Variants in STK10 observed in about 807,000 individuals in gnomAD.
STK10 encodes the protein serine/threonine-protein kinase 10.
Under a neutral mutation model 113.8 loss-of-function variants are expected in STK10, and 78 were observed. That is an observed-to-expected ratio of 0.69 (90% CI 0.57 to 0.83). STK10 has a LOEUF of 0.83. Among genes scored for constraint, STK10 ranks in the 40% least tolerant of loss-of-function variants. The pLI, the probability that STK10 is intolerant of heterozygous loss-of-function variation, is 0.00. For synonymous variants in STK10, 465 were observed against 494.7 expected (o/e 0.94, Z 0.80); for missense variants, 1,109 against 1,280.1 (o/e 0.87, Z 2.04).
rs1335658922 is a variant in STK10 at position 172,185,166 on chromosome 5, T to C, written c.156+2721A>G. On this transcript the variant is annotated intron_variant, in intron 1 of 18. Coordinates refer to ENST00000176763, the MANE Select transcript of STK10 (RefSeq NM_005990.4). ...GAAAGCAAAGTTCTGCGTTTAAGTT[T>C]AAAGGAAGATGAACCCTGTGAAGCC... Among the ~76,000 whole-genome samples the C allele has an allele frequency of 2.0e-5, 3 of 151,846 alleles. No homozygotes were observed. The East Asian group carries it at 5.8e-4, about 29-fold the overall frequency.
intron 10 of STK10, among the ~76,000 whole-genome samples, chr5:172,087,623 ATTTTTTTTTTTT>A (rs1203616701): frequency 1.2e-5 from 1 of 85,188 alleles, no homozygotes; most frequent in Non-Finnish European, 2.4e-5. Context: ...TTACTTATTT[ATTTTTTTTTTTT>A]TTTTGAGACG....
intron 1 of STK10, among the ~76,000 whole-genome samples, chr5:172,180,328 G>A (rs1770828028): frequency 1.3e-5 from 2 of 151,506 alleles, no homozygotes; most frequent in South Asian, 4.2e-4. Context: ...AGCTGGGCAT[G>A]GTGGCGGGCG....
chr5:172,161,652 CCTTGATCCACTCTGCATGCAGCA>C (rs1770474399), intron 1 of STK10, among the ~76,000 whole-genome samples: 1 of 151,962 alleles, frequency 6.6e-6, no homozygotes, highest in South Asian at 2.1e-4. Flanking sequence ...TGGAGTGGAC[CCTTGATCCACTCTGCATGCAGCA>C]CTAGGCAGTG....
chr5:172,048,920 G>C (rs951885788), intron 18 of STK10, among the ~76,000 whole-genome samples: 7 of 152,020 alleles, frequency 4.6e-5, no homozygotes, highest in Non-Finnish European at 1.0e-4. Context: ...CACGAGCAAG[G>C]TGTCCGGGCC....
intron 3 of STK10, among the ~76,000 whole-genome samples, chr5:172,122,650 G>A (rs1035625695): frequency 6.6e-6 from 1 of 152,140 alleles, no homozygotes; most frequent in Non-Finnish European, 1.5e-5. Flanking sequence ...TTGAGATGGA[G>A]TCTCGCTCTG....
chr5:172,076,188 G>A (rs1411567851), intron 12 of STK10, among the ~76,000 whole-genome samples: 58 of 139,650 alleles, frequency 4.2e-4, no homozygotes, highest in Non-Finnish European at 7.0e-4. Flanking sequence ...CGTTAGTTGT[G>A]GGGGCTGTCC....
At position 172,156,862 on chromosome 5, in the gene STK10, T is replaced by A; in HGVS notation, c.157-74A>T. On this transcript the variant is annotated intron_variant, in intron 1 of 18. Coordinates refer to ENST00000176763, the MANE Select transcript of STK10 (RefSeq NM_005990.4). ...CTGACCTTTGGACGTGAGCCCGCAG[T>A]CCTGCATGAGTGTGAAAACAGAGGC... 4 of 1,532,504 alleles carry A rather than the reference T, an allele frequency of 2.6e-6. No individual in the cohort carries two copies. The South Asian group carries it at 3.7e-5, about 14-fold the overall frequency. The allele number at this position is 1,532,504 out of a possible 1,614,324, so 94.9% of individuals were successfully genotyped here. A position where few individuals can be genotyped will look rare whatever the true frequency, so the allele number is the denominator to read the frequency against.
intron 14 of STK10, 88 bp downstream of exon 14, chr5:172,061,051 A>T: frequency 1.3e-6 from 2 of 1,487,098 alleles, no homozygotes; most frequent in Non-Finnish European, 1.8e-6. Context: ...AAGGCCTGGG[A>T]GGTTCTTGTT....
chr5:172,078,497 T>A (rs548677474), intron 12 of STK10, among the ~76,000 whole-genome samples: 8 of 151,448 alleles, frequency 5.3e-5, no homozygotes, highest in Middle Eastern at 3.4e-3. Context: ...CCTACAAAAA[T>A]TTTTTTAAAA....
intron 2 of STK10, among the ~76,000 whole-genome samples, chr5:172,129,788 A>G (rs936513209): frequency 1.3e-5 from 2 of 152,232 alleles, no homozygotes; most frequent in African/African-American, 4.8e-5. Context: ...GAAAAGAAGC[A>G]AAACTCAGTG....
At chr5:172,179,458 T>C (rs930959926) in intron 1 of STK10, among the ~76,000 whole-genome samples, 3 of 152,150 alleles carry the variant, frequency 2.0e-5, no homozygotes, top group Admixed American at 2.0e-4. Context: ...TAGGTAACCT[T>C]GGCAGGCCAG....
chr5:172,157,038 G>A (rs1770362796), intron 1 of STK10, among the ~76,000 whole-genome samples: 1 of 152,102 alleles, frequency 6.6e-6, no homozygotes, highest in South Asian at 2.1e-4. Flanking sequence ...TACCAACATG[G>A]AAAGACTGTT....
chr5:172,153,285 T>TAAGAAAGGAAAGAAAG (rs1770276105), intron 2 of STK10, among the ~76,000 whole-genome samples: 1 of 102,394 alleles, frequency 9.8e-6, no homozygotes, highest in African/African-American at 4.2e-5. Flanking sequence ...AAACTCCATC[T>TAAGAAAGGAAAGAAAG]CAAAAAGAAA....
chr5:172,123,940 T>C (rs1385753040), intron 3 of STK10, among the ~76,000 whole-genome samples: 1 of 152,114 alleles, frequency 6.6e-6, no homozygotes, highest in Non-Finnish European at 1.5e-5. Context: ...ATTATTTTAT[T>C]TTTTTGAGAC....
chr5:172,187,813 C>G lies in STK10; in HGVS notation c.156+74G>C, dbSNP rs1770982766. 1 of 1,563,744 alleles carries G rather than the reference C, an allele frequency of 6.4e-7. No homozygotes were observed. Among genetic ancestry groups the G allele is most frequent in the African/African-American group, 1.4e-5 (1 of 73,344 alleles). ...CCCTCGGAGCCGGAGCCAGGCTGGC[C>G]GGGTCCGGCTCAGGCATCCCTTCCT... On this transcript the variant is annotated intron_variant, in intron 1 of 18. Transcript: ENST00000176763. This position sits in a 1 kb window ranked among gnomAD's most constrained non-coding sequence, Gnocchi z 4.6.
intron 18 of STK10, among the ~76,000 whole-genome samples, chr5:172,047,116 C>T (rs6892217): frequency 0.66 from 101,173 of 152,148 alleles, 35,314 homozygotes; most frequent in African/African-American, 0.89. Flanking sequence ...GGCTGCTGAC[C>T]GTAATGCAAG....
chr5:172,081,487 C>T (rs1423409475), intron 12 of STK10, among the ~76,000 whole-genome samples: 3 of 152,060 alleles, frequency 2.0e-5, no homozygotes, highest in East Asian at 1.9e-4. Flanking sequence ...TTGCAGTATT[C>T]GCTTTATTGC....
chr5:172,070,729 G>GGAGGAGAT (rs1768159545), intron 12 of STK10, among the ~76,000 whole-genome samples: 1 of 152,016 alleles, frequency 6.6e-6, no homozygotes, highest in Admixed American at 6.6e-5. Context: ...CAGGGAAGGA[G>GGAGGAGAT]GAGGAGAGGA....
chr5:172,055,664 C>A lies in STK10; in HGVS notation c.2450G>T (p.Arg817Leu), dbSNP rs748781832. ...GAGGCTCTTCTTGTACATGGCCATG[C>A]GCGTCTTGCCCTCACTCCTCTGGAT... ...PKIQRSEGKT[R>L]MAMYKKSLHI... Residue 817 changes from arginine to leucine, a missense_variant, in exon 16 of 19, where the codon CGC (arginine) becomes CTC (leucine). By Grantham distance (102) the Arg-to-Leu change is moderately radical (BLOSUM62 -2). Around this residue, in one of 5 missense-constraint regions of STK10, gnomAD observed 885 missense variants for 991.1 expected, o/e 0.89. Coordinates refer to ENST00000176763, the MANE Select transcript of STK10 (RefSeq NM_005990.4). 3 of 1,581,254 alleles carry A rather than the reference C, an allele frequency of 1.9e-6. No homozygotes were observed. Among genetic ancestry groups the A allele is most frequent in the Non-Finnish European group, 2.6e-6 (3 of 1,161,866 alleles).
Sources: allele counts gnomAD v4.1 joint callset (sites outside exome capture counted in the v4.1 genomes callset), GRCh38; gene constraint gnomAD v4.1.1; regional missense constraint gnomAD v4.1.1; non-coding constraint Gnocchi (gnomAD v3.1); transcripts MANE v1.5; gene names NCBI Gene and HGNC (gene_info 2026-07-23, HGNC 2026-07-21).